The following TNR variants were observed in gnomAD, a reference collection of about 807,000 sequenced individuals.
The protein encoded by TNR is tenascin-R.
TNR carries 45 observed loss-of-function variants against 150.4 expected under a neutral mutation model. The observed-to-expected ratio is 0.30, with a 90% CI of 0.24 to 0.38. The LOEUF is 0.38. Ranked by LOEUF, TNR falls within the 10% of genes least tolerant of loss-of-function variation. The probability of loss-of-function intolerance (pLI) is 1.00; values close to 1 mark genes in which losing one functional copy is unlikely to be tolerated. For missense variants in TNR, 1,544 were observed against 1,759.1 expected (o/e 0.88, Z 2.19); for synonymous variants, 687 against 678.4 (o/e 1.01, Z -0.20).
chr1:175,613,347 A>G (rs546088572), intron 1 of TNR, among the ~76,000 whole-genome samples: 1 of 152,214 alleles, frequency 6.6e-6, no homozygotes, highest in African/African-American at 2.4e-5. Flanking sequence ...GTATTTTGTG[A>G]GCCAGTCAAC....
rs933315549 is a variant in TNR, at chr1:175,318,229, G to C, written c.*5128C>G. On this transcript the variant is annotated 3_prime_UTR_variant, in exon 23 of 23. Transcript: ENST00000367674. ...GGCCAGAACGTGAGAAGCCAATGCT[G>C]CTTCCTCTCCCATGGCCGCTCCTGC... 1 of 152,284 alleles carries C rather than the reference G, an allele frequency of 6.6e-6. No homozygotes were observed. Among genetic ancestry groups the C allele is most frequent in the African/African-American group, 2.4e-5 (1 of 41,470 alleles). The allele number at this position is 152,284 out of a possible 1,614,324, so 9.4% of individuals were successfully genotyped here.
At chr1:175,333,673 A>G (rs904302403) in intron 20 of TNR, among the ~76,000 whole-genome samples, 1 of 152,238 alleles carries the variant, frequency 6.6e-6, no homozygotes, top group Admixed American at 6.5e-5. Flanking sequence ...TAGAAGATAA[A>G]TATGAGGTGG....
intron 14 of TNR, among the ~76,000 whole-genome samples, chr1:175,359,984 C>A (rs967388694): frequency 7.5e-4 from 114 of 152,288 alleles, no homozygotes; most frequent in African/African-American, 2.6e-3. Context: ...AATTCAATAA[C>A]TTCTTATGTG....
At chr1:175,643,282 C>T (rs906561542) in intron 1 of TNR, among the ~76,000 whole-genome samples, 1 of 152,194 alleles carries the variant, frequency 6.6e-6, no homozygotes, top group Admixed American at 6.5e-5. Flanking sequence ...ACTTATGTGA[C>T]ATCTTATCAG....
At chr1:175,689,241 C>T (rs1361805533) in intron 1 of TNR, among the ~76,000 whole-genome samples, 1 of 152,222 alleles carries the variant, frequency 6.6e-6, no homozygotes, top group Non-Finnish European at 1.5e-5. Flanking sequence ...ATCTTGGCCA[C>T]CCAGAGGGAC....
intron 8 of TNR, among the ~76,000 whole-genome samples, chr1:175,381,014 A>G (rs1652650130): frequency 6.6e-6 from 1 of 152,226 alleles, no homozygotes; most frequent in Non-Finnish European, 1.5e-5. Flanking sequence ...AGCGATGTAA[A>G]TTGGGTGAAT....
intron 1 of TNR, among the ~76,000 whole-genome samples, chr1:175,678,722 C>A (rs1044399881): frequency 6.6e-6 from 1 of 152,184 alleles, no homozygotes; most frequent in Non-Finnish European, 1.5e-5. Flanking sequence ...ATAAGCAAAA[C>A]AAAGAGCCTA....
At chr1:175,454,341 G>T (rs1039196490) in intron 2 of TNR, among the ~76,000 whole-genome samples, 1 of 152,148 alleles carries the variant, frequency 6.6e-6, no homozygotes, top group East Asian at 1.9e-4. Context: ...CAAACTCTAC[G>T]CTAAACATAG....
chr1:175,720,877 T>A (rs1667279403), intron 1 of TNR, among the ~76,000 whole-genome samples: 2 of 152,174 alleles, frequency 1.3e-5, no homozygotes, highest in Admixed American at 1.3e-4. Context: ...GCTCTAAGGA[T>A]CTTTCTTCAA....
At chr1:175,625,515 G>A (rs1052880321) in intron 1 of TNR, among the ~76,000 whole-genome samples, 3 of 152,226 alleles carry the variant, frequency 2.0e-5, no homozygotes, top group Non-Finnish European at 2.9e-5. Flanking sequence ...AATTCCCAGA[G>A]GCCTGAGCTC....
chr1:175,634,684 TAA>T (rs1664440101), intron 1 of TNR, among the ~76,000 whole-genome samples: 1 of 152,148 alleles, frequency 6.6e-6, no homozygotes, highest in Non-Finnish European at 1.5e-5. Context: ...TCCACCATCC[TAA>T]GTTCCAAGTA....
chr1:175,684,735 C>T (rs1666138512), intron 1 of TNR, among the ~76,000 whole-genome samples: 1 of 152,116 alleles, frequency 6.6e-6, no homozygotes, highest in African/African-American at 2.4e-5. Context: ...CTATAGTTAG[C>T]TAGGTTCAGA....
At chr1:175,526,816 T>C (rs1659865046) in intron 2 of TNR, among the ~76,000 whole-genome samples, 2 of 152,170 alleles carry the variant, frequency 1.3e-5, no homozygotes, top group South Asian at 2.1e-4. Flanking sequence ...GCCTACCTAT[T>C]TGGTAACTCC....
chr1:175,729,136 GT>G (rs1667558161), intron 1 of TNR, among the ~76,000 whole-genome samples: 1 of 152,042 alleles, frequency 6.6e-6, no homozygotes, highest in Non-Finnish European at 1.5e-5. Flanking sequence ...TCCTTAGCAG[GT>G]TGTTCCTTGA....
intron 1 of TNR, among the ~76,000 whole-genome samples, chr1:175,722,132 G>A (rs143000592): frequency 1.0e-3 from 153 of 152,158 alleles, no homozygotes; most frequent in African/African-American, 3.2e-3. Flanking sequence ...CCCCTTGGGC[G>A]GCAGCTCCCA....
intron 1 of TNR, among the ~76,000 whole-genome samples, chr1:175,646,559 G>A (rs1032566859): frequency 1.3e-5 from 2 of 152,160 alleles, no homozygotes; most frequent in African/African-American, 4.8e-5. Flanking sequence ...ATCCTCTACT[G>A]ATTAACTTGC....
At chr1:175,424,669 G>A (rs1654892264) in intron 2 of TNR, among the ~76,000 whole-genome samples, 1 of 152,192 alleles carries the variant, frequency 6.6e-6, no homozygotes, top group Admixed American at 6.5e-5. Context: ...GAAGAGAAAT[G>A]TCAGCAAGGA....
intron 1 of TNR, among the ~76,000 whole-genome samples, chr1:175,712,843 G>A (rs1365574364): frequency 1.3e-5 from 2 of 152,110 alleles, no homozygotes; most frequent in Non-Finnish European, 2.9e-5. Context: ...AGACCTGTAA[G>A]CCAATTAAAT....
intron 10 of TNR, among the ~76,000 whole-genome samples, chr1:175,366,410 T>A (rs1196553047): frequency 6.6e-6 from 1 of 152,200 alleles, no homozygotes; most frequent in African/African-American, 2.4e-5. Context: ...GGCTGCTGAT[T>A]TTCAAGCTCG....
Sources: gnomAD v4.1 joint callset for allele counts (sites outside exome capture counted in the v4.1 genomes callset) on GRCh38, gnomAD v4.1.1 for gene constraint, MANE v1.5 for transcripts, NCBI Gene and HGNC (gene_info 2026-07-23, HGNC 2026-07-21) for gene names.